Variants in FBXO34 observed in about 807,000 individuals in gnomAD.
FBXO34 encodes F-box protein 34.
In FBXO34, 12 loss-of-function variants were observed where a neutral mutation model predicts 24.5. The observed-to-expected ratio is 0.49, with a 90% CI of 0.31 to 0.79. The LOEUF (loss-of-function observed/expected upper bound fraction) is 0.79. Ranked by LOEUF, FBXO34 falls within the 30% of genes least tolerant of loss-of-function variation. FBXO34 has a pLI of 0.04. For synonymous variants in FBXO34, 320 were observed against 311.9 expected, an observed-to-expected ratio of 1.03 and a Z score of -0.27; for missense variants, 823 against 857.7, an observed-to-expected ratio of 0.96 and a Z score of 0.51.
chr14:55,344,408 C>T (rs1884090903), intron 1 of FBXO34, among the ~76,000 whole-genome samples: 1 of 151,924 alleles, frequency 6.6e-6, no homozygotes, highest in African/African-American at 2.4e-5. Flanking sequence ...AGAAAACTTT[C>T]TCCTCATTGA....
intron 1 of FBXO34, among the ~76,000 whole-genome samples, chr14:55,350,125 C>G (rs1248276959): frequency 6.9e-6 from 1 of 144,830 alleles, no homozygotes; most frequent in Non-Finnish European, 1.5e-5. Context: ...AAGTCAGTTT[C>G]TGAAGTTCTT....
At chr14:55,318,520 T>A (rs1883019155) in intron 1 of FBXO34, among the ~76,000 whole-genome samples, 1 of 146,520 alleles carries the variant, frequency 6.8e-6, no homozygotes, top group African/African-American at 2.5e-5. Flanking sequence ...TGACTTGTAT[T>A]TTTTTTTTGT....
chr14:55,303,132 T>A (rs1350595228), intron 1 of FBXO34, among the ~76,000 whole-genome samples: 1 of 152,188 alleles, frequency 6.6e-6, no homozygotes, highest in Non-Finnish European at 1.5e-5. Flanking sequence ...ACAGGCCTTT[T>A]TTTTTTTTAG....
chr14:55,337,938 C>A (rs940238679), intron 1 of FBXO34, among the ~76,000 whole-genome samples: 7 of 151,958 alleles, frequency 4.6e-5, no homozygotes, highest in African/African-American at 9.7e-5. Flanking sequence ...GACTCCTGAC[C>A]GCACACATAT....
chr14:55,408,940 A>G, the FBXO34 span, among the ~76,000 whole-genome samples: 1 of 152,194 alleles, frequency 6.6e-6, no homozygotes, highest in Non-Finnish European at 1.5e-5. Flanking sequence ...AGGAGCTTGG[A>G]TTTTATTTTA....
Position 55,352,818 on chromosome 14 carries a change from G to GA in FBXO34, c.*294dup. The stretch of plus-strand genomic sequence containing the variant: ...TAAATCAAACCCATCCTCAAAGGAT[G>GA]AAGACTCACCACCATCCAGGACATT... On this transcript the variant is annotated 3_prime_UTR_variant, in exon 2 of 2. Transcript: ENST00000313833. The GA allele has an allele frequency of 3.0e-6, 1 of 331,346 alleles. No individual in the cohort carries two copies. The highest frequency in any genetic ancestry group is 5.8e-6 in the Non-Finnish European group (1 of 171,880). The allele number at this position is 331,346 out of a possible 1,614,324, so 20.5% of individuals were successfully genotyped here.
chr14:55,294,787 C>T (rs538286980), intron 1 of FBXO34, among the ~76,000 whole-genome samples: 2 of 152,234 alleles, frequency 1.3e-5, no homozygotes, highest in South Asian at 4.1e-4. Context: ...TATTGCTTTG[C>T]CCAATACATC....
rs34073592 is a variant in FBXO34, at chr14:55,286,906, CTTTTTT to C, written c.-11+15384_-11+15389del. Among the ~76,000 whole-genome samples the C allele has an allele frequency of 2.4e-5, 3 of 125,420 alleles. No individual in the cohort carries two copies. In the Admixed American group the frequency reaches 2.5e-4, roughly 10 times the overall value. 82.3% of individuals were successfully genotyped at this position (125,420 alleles called of 152,430 possible). A position where few individuals can be genotyped will look rare whatever the true frequency, so the allele number is the denominator to read the frequency against. On this transcript the variant is annotated intron_variant, in intron 1 of 1. Transcript: ENST00000313833. ...ACGGAATTCATTTATGTTTCATTTA[CTTTTTT>C]TTTTTTTTTTTTTTGAGACAGAGTC...
the FBXO34 span, among the ~76,000 whole-genome samples, chr14:55,429,741 A>G: frequency 0.73 from 101,769 of 138,664 alleles, 37,809 homozygotes; most frequent in African/African-American, 0.86. Flanking sequence ...ACTCCAGCCT[A>G]GGCAACAAGA....
intron 1 of FBXO34, among the ~76,000 whole-genome samples, chr14:55,346,945 C>G (rs550769323): frequency 6.6e-6 from 1 of 152,246 alleles, no homozygotes; most frequent in African/African-American, 2.4e-5. Context: ...ATCCAGAATC[C>G]TACTCTTACA....
At chr14:55,337,826 C>T (rs1027971179) in intron 1 of FBXO34, among the ~76,000 whole-genome samples, 1 of 152,152 alleles carries the variant, frequency 6.6e-6, no homozygotes, top group Non-Finnish European at 1.5e-5. Context: ...TCTTATACTC[C>T]ACTTACCACT....
chr14:55,387,533 TC>T, the FBXO34 span, among the ~76,000 whole-genome samples: 2 of 152,112 alleles, frequency 1.3e-5, no homozygotes, highest in Admixed American at 6.5e-5. Context: ...TCAGATGAGG[TC>T]CCACTGAAGC....
the FBXO34 span, among the ~76,000 whole-genome samples, chr14:55,426,896 AG>A: frequency 7.2e-5 from 11 of 152,342 alleles, no homozygotes; most frequent in East Asian, 2.1e-3. Context: ...CTGCTCTGCA[AG>A]GAAGATGCTG....
At chr14:55,301,231 G>C (rs1214137334) in intron 1 of FBXO34, among the ~76,000 whole-genome samples, 1 of 152,138 alleles carries the variant, frequency 6.6e-6, no homozygotes, top group African/African-American at 2.4e-5. Flanking sequence ...GTCTCCAGGA[G>C]TTTGAGACCA....
downstream of FBXO34, among the ~76,000 whole-genome samples, chr14:55,365,225 C>CAAAAA (rs1175120629): frequency 1.1e-5 from 1 of 88,710 alleles, no homozygotes; most frequent in Non-Finnish European, 2.5e-5. Flanking sequence ...TCTATCATCT[C>CAAAAA]AAAAAAAAAA....
chr14:55,370,951 T>G (rs564396028), downstream of FBXO34, among the ~76,000 whole-genome samples: 1 of 152,264 alleles, frequency 6.6e-6, no homozygotes, highest in African/African-American at 2.4e-5. Context: ...GCCTTTCTGC[T>G]TCTTTTTCCC....
rs138660405 is a variant in FBXO34 at position 55,352,055 on chromosome 14, G to T, written c.1665G>T (p.Ser555=). Residue 555 remains serine (S), a synonymous_variant, in exon 2 of 2, where the codon TCG becomes TCT. Transcript: ENST00000313833. ...LEASSWKKQV[S]HDFLETRFKI... ...CATCCAGTTGGAAGAAGCAGGTGTC[G>T]CATGACTTCCTGGAGACCAGGTTTA... 3 of 1,614,144 alleles carry T rather than the reference G, an allele frequency of 1.9e-6. No homozygotes were observed. The Admixed American group carries it at 5.0e-5, about 27-fold the overall frequency.
At chr14:55,314,725 A>G (rs944661163) in intron 1 of FBXO34, among the ~76,000 whole-genome samples, 1 of 152,254 alleles carries the variant, frequency 6.6e-6, no homozygotes, top group Non-Finnish European at 1.5e-5. Flanking sequence ...GAAAAATTTA[A>G]TCTGAAAAAA....
chr14:55,369,856 T>G, downstream of FBXO34: 1 of 1,614,172 alleles, frequency 6.2e-7, no homozygotes, highest in Non-Finnish European at 8.5e-7. Context: ...CATCTGATTC[T>G]CCAGCAACTC....
Sources: allele counts gnomAD v4.1 joint callset (sites outside exome capture counted in the v4.1 genomes callset), GRCh38; gene constraint gnomAD v4.1.1; transcripts MANE v1.5; gene names NCBI Gene and HGNC (gene_info 2026-07-23, HGNC 2026-07-21).